The following PIP5K1A variants were observed in gnomAD, a reference collection of about 807,000 sequenced individuals.
The protein encoded by PIP5K1A is phosphatidylinositol 4-phosphate 5-kinase type-1 alpha.
In PIP5K1A, 46 loss-of-function variants were observed where a neutral mutation model predicts 72.9. That is an observed-to-expected ratio of 0.63 (90% CI 0.50 to 0.81). PIP5K1A has a LOEUF of 0.81. PIP5K1A is among the 30% of genes least tolerant of loss of function. The pLI is 0.00. For synonymous variants in PIP5K1A, 228 were observed against 255.1 expected, an observed-to-expected ratio of 0.89 and a Z score of 1.01; for missense variants, 458 against 706.1, an observed-to-expected ratio of 0.65 and a Z score of 3.98.
intron 4 of PIP5K1A, 97 bp from the exon 5 acceptor site, chr1:151,231,574 G>A (rs1371236137): frequency 1.7e-5 from 18 of 1,074,288 alleles, no homozygotes; most frequent in Non-Finnish European, 2.3e-5. Context: ...AAGGATGTTT[G>A]TTTTAAAGTG....
chr1:151,215,975 G>A lies in PIP5K1A; in HGVS notation c.86-8270G>A, dbSNP rs587661033. On this transcript the variant is annotated intron_variant, in intron 1 of 15. Transcript: ENST00000368888. Reference sequence around the variant, plus strand: ...TTTCCTCATTAGGTTTCAACTTTCTGTGCTGTGGGGTCAGTGGTAAGAGAG... The same window carrying A: ...TTTCCTCATTAGGTTTCAACTTTCTATGCTGTGGGGTCAGTGGTAAGAGAG... 2.6e-5 allele frequency: 34 copies of A among 1,303,216 alleles called. No individual in the cohort carries two copies. The African/African-American group carries it at 4.7e-4, about 18-fold the overall frequency. The allele number at this position is 1,303,216 out of a possible 1,614,324, so 80.7% of individuals were successfully genotyped here.
At chr1:151,201,420 G>A (rs900253045) in intron 1 of PIP5K1A, among the ~76,000 whole-genome samples, 4 of 151,798 alleles carry the variant, frequency 2.6e-5, no homozygotes, top group African/African-American at 9.7e-5. Context: ...TGCCATCTTG[G>A]CTTACTGCAA....
rs776808513 is a variant in PIP5K1A at position 151,242,266 on chromosome 1, C to T, written c.1507C>T (p.Pro503Ser). 3 of 1,614,026 alleles carry T rather than the reference C, an allele frequency of 1.9e-6. No homozygotes were observed. The highest frequency in any genetic ancestry group is 2.5e-6 in the Non-Finnish European group (3 of 1,180,008). ...AGTGACAACAAAGGCAGAAGTGGAGCCAGGTCAGCGCTAGGGCTGGGGTCC... is the reference window on the plus strand; with the variant it reads ...AGTGACAACAAAGGCAGAAGTGGAGTCAGGTCAGCGCTAGGGCTGGGGTCC... ...AQVTTKAEVEPGVHLGRPDVL... is the reference protein window; with the variant it reads ...AQVTTKAEVESGVHLGRPDVL... Residue 503 changes from proline to serine, a missense_variant, in exon 13 of 16, where the codon CCA (proline) becomes TCA (serine). Transcript: ENST00000368888.
At position 151,234,238 on chromosome 1, in the gene PIP5K1A, T is replaced by C. The variant is rs150708568; in HGVS notation, c.681T>C (p.Tyr227=). 15 of 1,611,010 alleles carry C rather than the reference T, an allele frequency of 9.3e-6. No individual in the cohort carries two copies. In the African/African-American group the frequency reaches 1.2e-4, roughly 13 times the overall value. The change falls in exon 8 of 16, where the codon TAT becomes TAC. Residue 227 remains tyrosine, a synonymous_variant. Transcript: ENST00000368888. ...CTCGGACTTTGCTGCCTAAATTCTA[T>C]GGACTGTACTGTGTGCAGGCAGGTG... is the stretch of plus-strand genomic sequence containing the variant. ...QNPRTLLPKF[Y]GLYCVQAGGK...
intron 14 of PIP5K1A, among the ~76,000 whole-genome samples, chr1:151,245,128 T>C (rs1692307076): frequency 6.6e-6 from 1 of 152,148 alleles, no homozygotes; most frequent in African/African-American, 2.4e-5. Flanking sequence ...TGTTTAATAG[T>C]CCTTCCCATA....
At chr1:151,240,541 A>G (rs1003396668) in intron 12 of PIP5K1A, among the ~76,000 whole-genome samples, 1 of 152,186 alleles carries the variant, frequency 6.6e-6, no homozygotes, top group Non-Finnish European at 1.5e-5. Context: ...CTGCCATAGC[A>G]AATTCTAGCT....
At chr1:151,214,664 A>G (rs1199085727) in intron 1 of PIP5K1A, among the ~76,000 whole-genome samples, 2 of 151,944 alleles carry the variant, frequency 1.3e-5, no homozygotes, top group East Asian at 3.9e-4. Context: ...TACAGGCGTG[A>G]GCCACAGCAC....
chr1:151,236,791 G>A (rs772069571), intron 9 of PIP5K1A, 28 bp downstream of exon 9: 8 of 1,394,230 alleles, frequency 5.7e-6, no homozygotes, highest in Admixed American at 1.8e-5. Flanking sequence ...CACTAGGGGG[G>A]AGAACATAGG....
At chr1:151,204,085 C>T (rs914585392) in intron 1 of PIP5K1A, among the ~76,000 whole-genome samples, 1 of 152,102 alleles carries the variant, frequency 6.6e-6, no homozygotes, top group Admixed American at 6.6e-5. Context: ...CTTCATCAGT[C>T]TGTGATTCTG....
chr1:151,196,619 A>T (rs1684572500), upstream of PIP5K1A, among the ~76,000 whole-genome samples: 3 of 135,944 alleles, frequency 2.2e-5, no homozygotes, highest in African/African-American at 8.3e-5. Flanking sequence ...CAAAGGCGCC[A>T]TCTCGGCTCA....
At chr1:151,237,923 T>G (rs1298594649) in intron 9 of PIP5K1A, among the ~76,000 whole-genome samples, 3 of 152,070 alleles carry the variant, frequency 2.0e-5, no homozygotes, top group Admixed American at 1.3e-4. Flanking sequence ...GGAATCAGAG[T>G]GGAAGAGGTA....
Position 151,198,851 on chromosome 1 carries a change from G to C in PIP5K1A, c.-146G>C. 1 of 750,276 alleles carries C rather than the reference G, an allele frequency of 1.3e-6. No homozygotes were observed. The highest frequency in any genetic ancestry group is 2.3e-6 in the Non-Finnish European group (1 of 438,040). The allele number at this position is 750,276 out of a possible 1,614,324, so 46.5% of individuals were successfully genotyped here. A position where few individuals can be genotyped will look rare whatever the true frequency, so the allele number is the denominator to read the frequency against. On this transcript the variant is annotated 5_prime_UTR_variant, in exon 1 of 16. Transcript: ENST00000368888. ...GAGCTGGTCCAGGAGCCGGCTCGAC[G>C]TGTCTGAGGGAGGCCCCGGAGGGGG...
At chr1:151,244,336 A>G (rs1038323076) in intron 14 of PIP5K1A, among the ~76,000 whole-genome samples, 5 of 152,222 alleles carry the variant, frequency 3.3e-5, no homozygotes, top group African/African-American at 1.2e-4. Context: ...ATTAGTTATC[A>G]TAAATAATCT....
Position 151,247,999 on chromosome 1 carries a change from C to G in PIP5K1A, c.*134C>G. 1.3e-6 allele frequency: 1 copy of G among 771,666 alleles called. No individual in the cohort carries two copies. The highest frequency in any genetic ancestry group is 2.3e-6 in the Non-Finnish European group (1 of 441,244). 47.8% of individuals were successfully genotyped at this position (771,666 alleles called of 1,614,324 possible). A position where few individuals can be genotyped will look rare whatever the true frequency, so the allele number is the denominator to read the frequency against. On this transcript the variant is annotated 3_prime_UTR_variant, in exon 16 of 16. Transcript: ENST00000368888. ...AGGAGTGTAATAGAAGTGAGGGGAG[C>G]TGCTCCTCCATCTTCTTCCTGAAGA...
intron 1 of PIP5K1A, among the ~76,000 whole-genome samples, chr1:151,217,571 A>C (rs888222411): frequency 6.6e-5 from 10 of 152,028 alleles, no homozygotes; most frequent in African/African-American, 2.4e-4. Context: ...TTTTAATTTT[A>C]TTAATGTATT....
At chr1:151,228,892 A>AT (rs796462552) in intron 4 of PIP5K1A, among the ~76,000 whole-genome samples, 77 of 147,504 alleles carry the variant, frequency 5.2e-4, no homozygotes, top group Middle Eastern at 3.6e-3. Flanking sequence ...TCATTTTTAA[A>AT]TTTTTTTTTT....
intron 1 of PIP5K1A, among the ~76,000 whole-genome samples, chr1:151,210,199 C>CT (rs1188386192): frequency 6.8e-5 from 10 of 147,454 alleles, no homozygotes; most frequent in Non-Finnish European, 7.5e-5. Flanking sequence ...GGCCCCCCCA[C>CT]TTTTTTTTTT....
chr1:151,230,412 T>A (rs587628631), intron 4 of PIP5K1A, among the ~76,000 whole-genome samples: 5 of 152,354 alleles, frequency 3.3e-5, no homozygotes, highest in Admixed American at 2.6e-4. Context: ...GGGCTTGGAA[T>A]CCTGGATTGT....
At chr1:151,196,468 T>G (rs587654717), upstream of PIP5K1A, among the ~76,000 whole-genome samples, 1 of 151,646 alleles carries the variant, frequency 6.6e-6, no homozygotes, top group East Asian at 1.9e-4. Flanking sequence ...GGAAGACGAA[T>G]AATCCAGCAG....
Sources: gnomAD v4.1 joint callset for allele counts (sites outside exome capture counted in the v4.1 genomes callset) on GRCh38, gnomAD v4.1.1 for gene constraint, MANE v1.5 for transcripts, NCBI Gene and HGNC (gene_info 2026-07-23, HGNC 2026-07-21) for gene names.